The following ELP3 variants were observed in gnomAD, a reference collection of about 807,000 sequenced individuals.
ELP3 encodes the protein elongator acetyltransferase complex subunit 3.
ELP3 carries 56 observed loss-of-function variants against 74.9 expected under a neutral mutation model. The observed-to-expected ratio is 0.75, with a 90% confidence interval of 0.60 to 0.93. ELP3 has a LOEUF of 0.93. ELP3 is among the 40% of genes least tolerant of loss of function. ELP3 has a pLI of 0.00. For missense variants in ELP3, 573 were observed against 686.5 expected (o/e 0.83, Z 1.85); for synonymous variants, 222 against 239.8 (o/e 0.93, Z 0.68).
chr8:28,152,680 C>T (rs1241835103), intron 10 of ELP3, among the ~76,000 whole-genome samples: 3 of 152,178 alleles, frequency 2.0e-5, no homozygotes, highest in African/African-American at 7.2e-5. Context: ...GTGGCAGGCA[C>T]CTGTAATCCC....
At chr8:28,148,756 A>G (rs536222761) in intron 10 of ELP3, among the ~76,000 whole-genome samples, 1 of 152,184 alleles carries the variant, frequency 6.6e-6, no homozygotes, top group Non-Finnish European at 1.5e-5. Flanking sequence ...GTTTCAACAT[A>G]TTCTTTTTAT....
At chr8:28,124,301 TA>T (rs1812490101) in intron 7 of ELP3, among the ~76,000 whole-genome samples, 1 of 152,160 alleles carries the variant, frequency 6.6e-6, no homozygotes, top group Non-Finnish European at 1.5e-5. Context: ...TCAGGAGACA[TA>T]GTCTCCAGAC....
At chr8:28,115,795 G>C (rs1812107247) in intron 7 of ELP3, among the ~76,000 whole-genome samples, 1 of 152,272 alleles carries the variant, frequency 6.6e-6, no homozygotes, top group Middle Eastern at 3.4e-3. Context: ...ATGTGCACAT[G>C]TGTGTGCACA....
In ELP3 at chr8:28,189,671, T is replaced by C. The variant is rs752734740; in HGVS notation, c.1590T>C (p.Tyr530=). ...CAGGGGTCGGCACCAGGAATTATTA[T>C]AGAAAGATCGGCTACAGATTACAAG... ...VISGVGTRNY[Y]RKIGYRLQGP... Residue 530 remains tyrosine, a synonymous_variant, in exon 15 of 15, where the codon TAT becomes TAC. Coordinates refer to ENST00000256398, the MANE Select transcript of ELP3 (RefSeq NM_018091.6). 20 of 1,614,066 alleles carry C rather than the reference T, an allele frequency of 1.2e-5. No homozygotes were observed. The East Asian group carries it at 2.9e-4, about 23-fold the overall frequency.
chr8:28,148,997 C>T (rs939701422), intron 10 of ELP3, among the ~76,000 whole-genome samples: 1 of 152,156 alleles, frequency 6.6e-6, no homozygotes, highest in African/African-American at 2.4e-5. Flanking sequence ...ATATAAGAGG[C>T]CCCAGAGAAC....
At chr8:28,110,272 G>A (rs1466051251) in intron 5 of ELP3, 98 bp from the exon 6 acceptor site, 4 of 1,065,302 alleles carry the variant, frequency 3.8e-6, no homozygotes, top group Admixed American at 2.1e-5. Context: ...CGTTTTCAGT[G>A]TTCGGAACCA....
Position 28,166,701 on chromosome 8 carries a change from C to T in ELP3, c.1567+4623C>T, listed in dbSNP as rs577287889. ...CTGAAATGCCATCACTAATAATCAC[C>T]GTGGAAACGGAGATCTCTGATGTCA... On this transcript the variant is annotated intron_variant, in intron 14 of 14. Transcript: ENST00000256398. 4.6e-5 allele frequency among the ~76,000 whole-genome samples: 7 copies of T among 152,290 alleles called. No homozygotes were observed. In the South Asian group the frequency reaches 6.2e-4, roughly 14 times the overall value.
chr8:28,117,102 T>C (rs1812170763), intron 7 of ELP3, among the ~76,000 whole-genome samples: 1 of 152,114 alleles, frequency 6.6e-6, no homozygotes, highest in Non-Finnish European at 1.5e-5. Flanking sequence ...TTGAAGACCT[T>C]ACATATTAAG....
chr8:28,098,947 A>T (rs1302975099), intron 2 of ELP3, among the ~76,000 whole-genome samples: 1 of 152,192 alleles, frequency 6.6e-6, no homozygotes, highest in Non-Finnish European at 1.5e-5. Context: ...GTGTTTTATG[A>T]CATATGTTTT....
At position 28,105,384 on chromosome 8, in the gene ELP3, C is replaced by T. The variant is rs148464872; in HGVS notation, c.259-1329C>T. On this transcript the variant is annotated intron_variant, in intron 3 of 14. Coordinates refer to ENST00000256398, the MANE Select transcript of ELP3 (RefSeq NM_018091.6). ...CAGCCTGGGCAACACAGTGAGACTC[C>T]GTCTCAAAAAGGAAAAAAAAGGAAA... Among the ~76,000 whole-genome samples, 793 of 152,100 alleles carry T rather than the reference C, an allele frequency of 5.2e-3. 5 individuals are homozygous for T. The highest frequency in any genetic ancestry group is 0.018 in the African/African-American group (738 of 41,498).
At chr8:28,124,322 T>C (rs1402450040) in intron 7 of ELP3, among the ~76,000 whole-genome samples, 1 of 152,152 alleles carries the variant, frequency 6.6e-6, no homozygotes. Flanking sequence ...CTTATTTATA[T>C]TATTATTTTG....
At position 28,113,176 on chromosome 8, in the gene ELP3, A is replaced by G; in HGVS notation, c.617+3A>G. 1 of 1,611,830 alleles carries G rather than the reference A, an allele frequency of 6.2e-7. No homozygotes were observed. The highest frequency in any genetic ancestry group is 8.5e-7 in the Non-Finnish European group (1 of 1,178,972). On this transcript the variant is annotated splice_donor_region_variant and intron_variant, in intron 7 of 14. Coordinates refer to ENST00000256398, the MANE Select transcript of ELP3 (RefSeq NM_018091.6). ...AACAATATTTACGAGGCAGTCAAGT[A>G]AGAAATTCTTATTTTATCATAGTCT... is the stretch of plus-strand genomic sequence containing the variant.
intron 7 of ELP3, among the ~76,000 whole-genome samples, chr8:28,128,738 T>C (rs1461418023): frequency 6.6e-6 from 1 of 152,204 alleles, no homozygotes; most frequent in African/African-American, 2.4e-5. Flanking sequence ...TACTAGAGTG[T>C]GTGGCACAGA....
At chr8:28,113,457 A>G (rs1165447947) in intron 7 of ELP3, among the ~76,000 whole-genome samples, 4 of 30,744 alleles carry the variant, frequency 1.3e-4, no homozygotes, top group African/African-American at 4.7e-4. Flanking sequence ...AATATGGTCC[A>G]TGAATGTCTT....
chr8:28,172,250 T>A (rs772204966), intron 14 of ELP3, among the ~76,000 whole-genome samples: 1 of 152,130 alleles, frequency 6.6e-6, no homozygotes, highest in Non-Finnish European at 1.5e-5. Flanking sequence ...GGTATCATCA[T>A]CTTAACAATG....
At chr8:28,179,097 C>G (rs1814887967) in intron 14 of ELP3, among the ~76,000 whole-genome samples, 1 of 152,238 alleles carries the variant, frequency 6.6e-6, no homozygotes, top group Non-Finnish European at 1.5e-5. Flanking sequence ...CCTGCGTATA[C>G]AGAAGGCTGA....
At chr8:28,150,713 C>G (rs1276247338) in intron 10 of ELP3, among the ~76,000 whole-genome samples, 1 of 151,896 alleles carries the variant, frequency 6.6e-6, no homozygotes, top group East Asian at 1.9e-4. Flanking sequence ...GGCATTTATC[C>G]TGTTTGGTAT....
At chr8:28,102,082 G>A (rs1471116450) in intron 3 of ELP3, among the ~76,000 whole-genome samples, 3 of 152,064 alleles carry the variant, frequency 2.0e-5, no homozygotes, top group Non-Finnish European at 4.4e-5. Context: ...GTTTTCTGTT[G>A]TCCTGGGCTC....
intron 10 of ELP3, among the ~76,000 whole-genome samples, chr8:28,151,040 G>A (rs1212749081): frequency 1.3e-5 from 2 of 152,134 alleles, no homozygotes; most frequent in African/African-American, 2.4e-5. Flanking sequence ...CTTCCAGAGT[G>A]CTGAGATTAT....
Sources: gnomAD v4.1 joint callset for allele counts (sites outside exome capture counted in the v4.1 genomes callset) on GRCh38, gnomAD v4.1.1 for gene constraint, MANE v1.5 for transcripts, NCBI Gene and HGNC (gene_info 2026-07-23, HGNC 2026-07-21) for gene names.